MRPL48: variants seen among roughly 807,000 people sequenced by gnomAD.
MRPL48 encodes mitochondrial ribosomal protein L48.
MRPL48 carries 16 observed loss-of-function variants against 32.9 expected under a neutral mutation model. That is an observed-to-expected ratio of 0.49 (90% confidence interval 0.33 to 0.74). The LOEUF (loss-of-function observed/expected upper bound fraction) is 0.74, where lower values mean the gene tolerates loss of function less well. MRPL48 is among the 30% of genes least tolerant of loss of function. The probability of loss-of-function intolerance (pLI) is 0.02; values close to 1 mark genes in which losing one functional copy is unlikely to be tolerated. For missense variants in MRPL48, 206 were observed against 245.3 expected (o/e 0.84, Z 1.07); for synonymous variants, 94 against 89.2 (o/e 1.05, Z -0.31).
At chr11:73,861,151 A>C (rs369849110) in intron 6 of MRPL48, among the ~76,000 whole-genome samples, 96 of 152,366 alleles carry the variant, frequency 6.3e-4, no homozygotes, top group African/African-American at 2.1e-3. Flanking sequence ...AAATATGCTA[A>C]TTTAAAAAAT....
intron 2 of MRPL48, among the ~76,000 whole-genome samples, chr11:73,805,500 T>C (rs1947433370): frequency 6.6e-6 from 1 of 151,880 alleles, no homozygotes. Flanking sequence ...TTCACCATGT[T>C]GGCCAGGCTG....
chr11:73,831,780 A>C (rs1947999803), intron 4 of MRPL48, among the ~76,000 whole-genome samples: 4 of 151,822 alleles, frequency 2.6e-5, no homozygotes, highest in Admixed American at 2.6e-4. Context: ...ATCTCTACTA[A>C]AAATGCAAAA....
chr11:73,829,866 A>G (rs144235140), intron 4 of MRPL48, among the ~76,000 whole-genome samples: 2,164 of 152,082 alleles, frequency 0.014, 50 homozygotes, highest in African/African-American at 0.047. Flanking sequence ...TCAGGCTCAA[A>G]TGATTCTCCC....
At chr11:73,803,752 AAAAC>A (rs373036012) in intron 1 of MRPL48, among the ~76,000 whole-genome samples, 8 of 151,784 alleles carry the variant, frequency 5.3e-5, no homozygotes, top group African/African-American at 7.3e-5. Flanking sequence ...TCTTTCCCGT[AAAAC>A]AAACAAACAA....
At chr11:73,823,654 GTTT>G (rs57616234) in intron 3 of MRPL48, among the ~76,000 whole-genome samples, 2 of 105,678 alleles carry the variant, frequency 1.9e-5, no homozygotes, top group Non-Finnish European at 3.7e-5. Context: ...TTTCTTTTCT[GTTT>G]TTTTTTTTTT....
intron 2 of MRPL48, among the ~76,000 whole-genome samples, chr11:73,807,658 ATG>A (rs1947478877): frequency 1.0e-5 from 1 of 98,016 alleles, no homozygotes; most frequent in Non-Finnish European, 1.9e-5. Flanking sequence ...TTTTTTTGAG[ATG>A]GAGTTTCGCT....
In MRPL48 at chr11:73,864,493, C is replaced by A; in HGVS notation, c.*123C>A. Reference sequence around the variant, plus strand: ...ATTTCATAAGTACCCATTCCCATAGCCAGTAATGTCCTCACTCCTCTGTGG... The same window carrying A: ...ATTTCATAAGTACCCATTCCCATAGACAGTAATGTCCTCACTCCTCTGTGG... On this transcript the variant is annotated 3_prime_UTR_variant, in exon 8 of 8. Transcript: ENST00000310614. 1.1e-6 allele frequency: 1 copy of A among 891,004 alleles called. No homozygotes were observed. The highest frequency in any genetic ancestry group is 1.7e-5 in the African/African-American group (1 of 60,074). The allele number at this position is 891,004 out of a possible 1,614,324, so 55.2% of individuals were successfully genotyped here.
intron 5 of MRPL48, among the ~76,000 whole-genome samples, chr11:73,849,989 A>G (rs1477367710): frequency 2.0e-5 from 3 of 152,102 alleles, no homozygotes; most frequent in Non-Finnish European, 4.4e-5. Flanking sequence ...AGTCCCTGCC[A>G]CTTGGGAGGC....
intron 3 of MRPL48, among the ~76,000 whole-genome samples, chr11:73,821,255 A>G (rs1356173444): frequency 6.6e-6 from 1 of 152,004 alleles, no homozygotes; most frequent in Non-Finnish European, 1.5e-5. Context: ...TCAGCCTCCC[A>G]AAGTGCAGAG....
At chr11:73,804,698 C>T (rs570786638) in intron 1 of MRPL48, among the ~76,000 whole-genome samples, 1 of 152,030 alleles carries the variant, frequency 6.6e-6, no homozygotes, top group African/African-American at 2.4e-5. Context: ...TAATAAAGCC[C>T]CTCTCATGAT....
chr11:73,861,717 C>T (rs929965433), intron 6 of MRPL48, among the ~76,000 whole-genome samples: 1 of 152,192 alleles, frequency 6.6e-6, no homozygotes, highest in African/African-American at 2.4e-5. Flanking sequence ...CTATATTTTA[C>T]TGAATGCTGT....
chr11:73,836,685 G>A (rs1948110380), intron 4 of MRPL48, among the ~76,000 whole-genome samples: 1 of 152,174 alleles, frequency 6.6e-6, no homozygotes, highest in African/African-American at 2.4e-5. Flanking sequence ...TGCCCACGTG[G>A]CTAGAAGTTT....
chr11:73,796,375 C>T (rs1420165519), intron 1 of MRPL48, among the ~76,000 whole-genome samples: 1 of 152,246 alleles, frequency 6.6e-6, no homozygotes, highest in Non-Finnish European at 1.5e-5. Flanking sequence ...AAAGCTGGGG[C>T]CAAGCCCAGG....
intron 1 of MRPL48, among the ~76,000 whole-genome samples, chr11:73,794,913 T>TG (rs1409097739): frequency 6.9e-6 from 1 of 144,330 alleles, no homozygotes; most frequent in African/African-American, 2.5e-5. Flanking sequence ...CCCAGCTAAT[T>TG]TTTTTTTTTT....
chr11:73,812,738 A>ATATATATATATATT (rs112576224), intron 3 of MRPL48, among the ~76,000 whole-genome samples: 157 of 142,042 alleles, frequency 1.1e-3, no homozygotes, highest in Non-Finnish European at 1.8e-3. Flanking sequence ...ATATATATAT[A>ATATATATATATATT]TATTTATTTA....
chr11:73,857,587 CT>C (rs56265503), intron 5 of MRPL48, among the ~76,000 whole-genome samples: 689 of 88,642 alleles, frequency 7.8e-3, no homozygotes, highest in African/African-American at 0.026. Context: ...GCCGCATAGA[CT>C]TTTTTTTTTT....
At chr11:73,807,448 C>A (rs1466107513) in intron 2 of MRPL48, among the ~76,000 whole-genome samples, 2 of 151,278 alleles carry the variant, frequency 1.3e-5, no homozygotes, top group African/African-American at 2.4e-5. Context: ...TCTATTATCC[C>A]ATCTTAATCA....
chr11:73,794,504 G>A (rs1407378941), intron 1 of MRPL48, among the ~76,000 whole-genome samples: 4 of 150,900 alleles, frequency 2.7e-5, no homozygotes, highest in African/African-American at 4.9e-5. Flanking sequence ...GCAGTGAGCC[G>A]AGATCGTGTT....
chr11:73,863,498 T>G (rs1948619560), intron 7 of MRPL48, among the ~76,000 whole-genome samples: 1 of 152,186 alleles, frequency 6.6e-6, no homozygotes, highest in Non-Finnish European at 1.5e-5. Context: ...CATCCTGATG[T>G]TGGTGGTGAG....
Sources: gnomAD v4.1 joint callset for allele counts (sites outside exome capture counted in the v4.1 genomes callset) on GRCh38, gnomAD v4.1.1 for gene constraint, MANE v1.5 for transcripts, NCBI Gene and HGNC (gene_info 2026-07-23, HGNC 2026-07-21) for gene names.